VWA8: variants seen among roughly 807,000 people sequenced by gnomAD.
The protein encoded by VWA8 is von Willebrand factor A domain-containing protein 8.
A neutral mutation model predicts 241.5 loss-of-function variants in VWA8; 221 were observed. That is an observed-to-expected ratio of 0.91 (90% CI 0.82 to 1.02). The LOEUF is 1.02. Ranked by LOEUF, VWA8 falls within the 50% of genes least tolerant of loss-of-function variation. The pLI is 0.00. For missense variants in VWA8, 2,322 were observed against 2,328.7 expected (o/e 1.00, Z 0.06); for synonymous variants, 852 against 827.1 (o/e 1.03, Z -0.52).
chr13:41,808,143 T>C (rs1325822503), intron 17 of VWA8, among the ~76,000 whole-genome samples: 1 of 151,738 alleles, frequency 6.6e-6, no homozygotes, highest in Non-Finnish European at 1.5e-5. Flanking sequence ...ATATTTAAAA[T>C]CACTAACAAA....
intron 17 of VWA8, among the ~76,000 whole-genome samples, chr13:41,808,879 C>G (rs1226208194): frequency 1.3e-5 from 2 of 149,788 alleles, no homozygotes. Flanking sequence ...CCAACAGAAA[C>G]CTATTAGAAT....
At chr13:41,798,269 T>C (rs1869793631) in intron 17 of VWA8, among the ~76,000 whole-genome samples, 1 of 152,214 alleles carries the variant, frequency 6.6e-6, no homozygotes, top group Non-Finnish European at 1.5e-5. Context: ...TATTTGCCTA[T>C]TTCCTTTCTC....
At chr13:41,638,985 G>A (rs2044777345) in intron 37 of VWA8, among the ~76,000 whole-genome samples, 1 of 152,094 alleles carries the variant, frequency 6.6e-6, no homozygotes, top group African/African-American at 2.4e-5. Context: ...AGCTGCAGAT[G>A]GGCTTGCAGA....
intron 20 of VWA8, among the ~76,000 whole-genome samples, chr13:41,777,778 T>C (rs558471992): frequency 3.9e-5 from 6 of 152,252 alleles, no homozygotes; most frequent in Admixed American, 1.3e-4. Context: ...TAAGACAGAA[T>C]GTACATAACT....
At chr13:41,770,208 G>A (rs2045809078) in intron 20 of VWA8, among the ~76,000 whole-genome samples, 3 of 152,128 alleles carry the variant, frequency 2.0e-5, no homozygotes, top group East Asian at 3.9e-4. Flanking sequence ...AGTACTTTGG[G>A]AGGCCGAGAC....
chr13:41,766,466 C>T (rs2045779720), intron 20 of VWA8, among the ~76,000 whole-genome samples: 1 of 152,170 alleles, frequency 6.6e-6, no homozygotes, highest in Non-Finnish European at 1.5e-5. Flanking sequence ...TGAGGGATCC[C>T]TGCAACAGCA....
chr13:41,864,754 G>T (rs373175329), intron 12 of VWA8: 1 of 286,296 alleles, frequency 3.5e-6, no homozygotes, highest in East Asian at 1.1e-4. Flanking sequence ...AAAGGAAGTG[G>T]TAATGGTTAC....
At chr13:41,596,323 G>GA (rs1333227854) in intron 40 of VWA8, among the ~76,000 whole-genome samples, 1 of 152,102 alleles carries the variant, frequency 6.6e-6, no homozygotes, top group Non-Finnish European at 1.5e-5. Context: ...AGAGGTGTCA[G>GA]AATGAATGCT....
At chr13:41,886,712 C>T in intron 7 of VWA8, 69 bp downstream of exon 7, 1 of 1,220,656 alleles carries the variant, frequency 8.2e-7, no homozygotes, top group Non-Finnish European at 1.2e-6. Flanking sequence ...ATTAATTAAT[C>T]AATCAATCAA....
chr13:41,663,014 G>A (rs922283847), intron 37 of VWA8, among the ~76,000 whole-genome samples: 1 of 152,112 alleles, frequency 6.6e-6, no homozygotes, highest in African/African-American at 2.4e-5. Context: ...TACCATTTAG[G>A]TAGTTCAAAT....
intron 40 of VWA8, among the ~76,000 whole-genome samples, chr13:41,595,888 C>G (rs76856133): frequency 2.0e-5 from 3 of 152,062 alleles, no homozygotes; most frequent in African/African-American, 7.2e-5. Context: ...TCAGCTTTAG[C>G]GTATACTGAT....
At chr13:41,650,994 T>C (rs1011955002) in intron 37 of VWA8, among the ~76,000 whole-genome samples, 12 of 152,180 alleles carry the variant, frequency 7.9e-5, no homozygotes, top group African/African-American at 2.9e-4. Context: ...CTTCTCATTC[T>C]TACAACCAGA....
intron 37 of VWA8, among the ~76,000 whole-genome samples, chr13:41,659,705 ATACT>A (rs755980304): frequency 2.0e-4 from 30 of 152,336 alleles, no homozygotes; most frequent in Non-Finnish European, 3.8e-4. Context: ...AAATACAGAA[ATACT>A]TAAGTAGACA....
At chr13:41,837,042 T>C (rs1243324608) in intron 12 of VWA8, among the ~76,000 whole-genome samples, 1 of 123,974 alleles carries the variant, frequency 8.1e-6, no homozygotes, top group Non-Finnish European at 1.7e-5. Context: ...AGATGATAGA[T>C]AGATAGATAG....
chr13:41,705,026 A>G (rs2045274081), intron 26 of VWA8, among the ~76,000 whole-genome samples: 1 of 152,220 alleles, frequency 6.6e-6, no homozygotes, highest in Non-Finnish European at 1.5e-5. Flanking sequence ...TAAGGCTAAG[A>G]TATTTTTTGC....
chr13:41,738,626 T>C (rs1284242545), intron 21 of VWA8, among the ~76,000 whole-genome samples: 3 of 152,206 alleles, frequency 2.0e-5, no homozygotes, highest in Non-Finnish European at 4.4e-5. Context: ...AAATAGTATA[T>C]AGAAAATTGG....
At chr13:41,891,130 G>A (rs1171194506) in intron 5 of VWA8, among the ~76,000 whole-genome samples, 1 of 150,746 alleles carries the variant, frequency 6.6e-6, no homozygotes, top group East Asian at 1.9e-4. Flanking sequence ...AAAGGAGATG[G>A]GAAAAGAGGA....
At chr13:41,887,389 T>C (rs183770234) in intron 5 of VWA8, 28 bp from the exon 6 acceptor site, 43 of 1,597,292 alleles carry the variant, frequency 2.7e-5, no homozygotes, top group African/African-American at 1.5e-4. Flanking sequence ...CCGGAAGCTA[T>C]AGCATAAATG....
At chr13:41,647,543 C>T (rs2044839518) in intron 37 of VWA8, among the ~76,000 whole-genome samples, 2 of 152,188 alleles carry the variant, frequency 1.3e-5, no homozygotes, top group African/African-American at 2.4e-5. Context: ...TTGACAAATG[C>T]TTACTGAGTG....
Sources: allele counts gnomAD v4.1 joint callset (sites outside exome capture counted in the v4.1 genomes callset), GRCh38; gene constraint gnomAD v4.1.1; transcripts MANE v1.5; gene names NCBI Gene and HGNC (gene_info 2026-07-23, HGNC 2026-07-21).